Variants in DOCK6 observed in about 807,000 individuals in gnomAD.
DOCK6 encodes the protein dedicator of cytokinesis protein 6.
Under a neutral mutation model 230.3 loss-of-function variants are expected in DOCK6, and 167 were observed. The observed-to-expected ratio is 0.73, with a 90% CI of 0.64 to 0.82. The LOEUF (loss-of-function observed/expected upper bound fraction) is 0.82. DOCK6 is among the 40% of genes least tolerant of loss of function. DOCK6 has a pLI of 0.00. For missense variants in DOCK6, 2,598 were observed against 2,825.8 expected, an observed-to-expected ratio of 0.92 and a Z score of 1.83; for synonymous variants, 1,148 against 1,185.0, an observed-to-expected ratio of 0.97 and a Z score of 0.64.
At chr19:11,204,888 T>A (rs1030751351) in intron 39 of DOCK6, among the ~76,000 whole-genome samples, 2 of 152,200 alleles carry the variant, frequency 1.3e-5, no homozygotes, top group Non-Finnish European at 2.9e-5. Flanking sequence ...AGGTACGATG[T>A]ACATCTGCAC....
At chr19:11,207,414 T>C (rs979163042) in intron 39 of DOCK6, among the ~76,000 whole-genome samples, 1 of 151,320 alleles carries the variant, frequency 6.6e-6, no homozygotes, top group Non-Finnish European at 1.5e-5. Context: ...CAGGCTGGTC[T>C]TGAACTCCTG....
chr19:11,222,676 T>C lies in DOCK6; in HGVS notation c.3240+59A>G, dbSNP rs2079598486. On this transcript the variant is annotated intron_variant, in intron 26 of 47. Coordinates refer to ENST00000294618, the MANE Select transcript of DOCK6 (RefSeq NM_020812.4). This position sits in a 1 kb window ranked among gnomAD's most constrained non-coding sequence, Gnocchi z 4.0. ...ACAGAGATGAGGGAACCATAGGAGATGGACTGAAGGTGAGAGGTTGTAGGT... is the reference window on the plus strand; with the variant it reads ...ACAGAGATGAGGGAACCATAGGAGACGGACTGAAGGTGAGAGGTTGTAGGT... 2 of 1,477,794 alleles carry C rather than the reference T, an allele frequency of 1.4e-6. No individual in the cohort carries two copies. The highest frequency in any genetic ancestry group is 1.8e-6 in the Non-Finnish European group (2 of 1,095,800). The allele number at this position is 1,477,794 out of a possible 1,614,324, so 91.5% of individuals were successfully genotyped here.
chr19:11,209,551 TCCCCTCACCTGTCCAC>T (rs2079327959), intron 37 of DOCK6, among the ~76,000 whole-genome samples: 4 of 138,642 alleles, frequency 2.9e-5, no homozygotes, highest in Admixed American at 2.9e-4. Flanking sequence ...CACCTGTCTA[TCCCCTCACCTGTCCAC>T]CCCCTCACCT....
chr19:11,208,772 C>T lies in DOCK6; in HGVS notation c.5002G>A (p.Asp1668Asn), dbSNP rs76981407. 288 of 1,613,740 alleles carry T rather than the reference C, an allele frequency of 1.8e-4. 3 individuals are homozygous for T. The East Asian group carries it at 6.1e-3, about 34-fold the overall frequency. Residue 1668 changes from aspartate (D) to asparagine (N), a missense_variant, in exon 39 of 48, where the codon GAC (aspartate) becomes AAC (asparagine). Transcript: ENST00000294618. Reference protein sequence around the residue: ...SAISDDILSPDEEGFCSGKHF... With the variant: ...SAISDDILSPNEEGFCSGKHF... ...TTCCCGGAGCAGAAGCCCTCCTCGT[C>T]GGGCGACAGGATGTCGTCGGAGATG...
rs146389180 is a variant in DOCK6, at chr19:11,213,591, A to T, written c.4339-263T>A. Among the ~76,000 whole-genome samples, 119 of 151,726 alleles carry T rather than the reference A, an allele frequency of 7.8e-4. 2 individuals are homozygous for T. The East Asian group carries it at 0.021, about 27-fold the overall frequency. On this transcript the variant is annotated intron_variant, in intron 34 of 47. Coordinates refer to ENST00000294618, the MANE Select transcript of DOCK6 (RefSeq NM_020812.4). ...TCCATGGAGTTGCAGAGCACACAGT[A>T]AGTGCTCAATGAATGAGCTCCTTTT...
chr19:11,253,047 A>T (rs1005278570), intron 2 of DOCK6, 89 bp from the exon 3 acceptor site: 2 of 1,324,430 alleles, frequency 1.5e-6, no homozygotes, highest in Admixed American at 2.3e-5. Flanking sequence ...CTGGCTTCAA[A>T]CTCAAATAGG....
Position 11,262,493 on chromosome 19 carries a change from C to G in DOCK6, c.-53G>C. ...CGGGCCCCGGCCCCGCCGCCGCCGCCGCCTCCCGGTTCTGGGCAGCCGGGG... is the reference window on the plus strand; with the variant it reads ...CGGGCCCCGGCCCCGCCGCCGCCGCGGCCTCCCGGTTCTGGGCAGCCGGGG... On this transcript the variant is annotated 5_prime_UTR_variant, in exon 1 of 48. Coordinates refer to ENST00000294618, the MANE Select transcript of DOCK6 (RefSeq NM_020812.4). The G allele has an allele frequency of 3.8e-6, 4 of 1,053,688 alleles. No homozygotes were observed. The highest frequency in any genetic ancestry group is 4.6e-6 in the Non-Finnish European group (4 of 875,168). The allele number at this position is 1,053,688 out of a possible 1,614,324, so 65.3% of individuals were successfully genotyped here.
intron 39 of DOCK6, 38 bp downstream of exon 39, chr19:11,208,648 C>G (rs201535319): frequency 3.1e-6 from 5 of 1,588,834 alleles, no homozygotes; most frequent in Middle Eastern, 1.7e-4. Context: ...CTCCCTGGCC[C>G]GAGCCCCCTC....
chr19:11,204,058 G>A, intron 41 of DOCK6, 23 bp downstream of exon 41: 2 of 1,548,972 alleles, frequency 1.3e-6, no homozygotes, highest in Non-Finnish European at 1.7e-6. Flanking sequence ...GAGGCAGGTG[G>A]CTGTCCACCA....
chr19:11,203,954 G>T, intron 41 of DOCK6, 127 bp downstream of exon 41: 1 of 1,294,204 alleles, frequency 7.7e-7, no homozygotes, highest in Non-Finnish European at 1.1e-6. Context: ...GTCCCTTGTG[G>T]CCACAGCCCC....
rs199688091 is a variant in DOCK6 at position 11,224,190 on chromosome 19, TTTTC to T, written c.2956-1088_2956-1085del. Among the ~76,000 whole-genome samples the T allele has an allele frequency of 3.7e-3, 537 of 146,400 alleles. 7 individuals are homozygous for T. Among genetic ancestry groups the T allele is most frequent in the East Asian group, 0.018 (87 of 4,902 alleles). On this transcript the variant is annotated intron_variant, in intron 24 of 47. Transcript: ENST00000294618. ...TTTCAATGGCAAAAACTGTAATTACTTTTCTTTCTTTCTTTCTTTCTTTCTTTTT... is the reference window on the plus strand; with the variant it reads ...TTTCAATGGCAAAAACTGTAATTACTTTTCTTTCTTTCTTTCTTTCTTTTT...
At chr19:11,228,168 G>A (rs1313050375) in intron 23 of DOCK6, among the ~76,000 whole-genome samples, 3 of 151,948 alleles carry the variant, frequency 2.0e-5, no homozygotes, top group African/African-American at 7.2e-5. Flanking sequence ...GCACTACTAC[G>A]CCCGGCTAAC....
chr19:11,237,424 G>C, intron 18 of DOCK6, 32 bp downstream of exon 18: 1 of 1,611,802 alleles, frequency 6.2e-7, no homozygotes, highest in Non-Finnish European at 8.5e-7. Context: ...TGGGGACAGT[G>C]CATTGGCAGG....
chr19:11,223,209 GC>G, intron 24 of DOCK6, 103 bp from the exon 25 acceptor site: 1 of 1,022,224 alleles, frequency 9.8e-7, no homozygotes, highest in Non-Finnish European at 1.4e-6. Context: ...CTGTATCACT[GC>G]CCCAAAGCCT....
intron 37 of DOCK6, among the ~76,000 whole-genome samples, chr19:11,211,043 A>C (rs1600862439): frequency 6.8e-6 from 1 of 146,248 alleles, no homozygotes; most frequent in African/African-American, 2.6e-5. Flanking sequence ...CTGTCTCCTC[A>C]CCCATCCATC....
intron 14 of DOCK6, 196 bp from the exon 15 acceptor site, chr19:11,238,500 G>A: frequency 1.7e-6 from 1 of 587,906 alleles, no homozygotes; most frequent in Non-Finnish European, 3.1e-6. Flanking sequence ...AGAGGGTGGG[G>A]GACAAGCGAG....
Position 11,201,924 on chromosome 19 carries a change from T to TG in DOCK6, c.5652dup (p.Ile1885HisfsTer44). On this transcript the variant is annotated frameshift_variant, in exon 44 of 48. Transcript: ENST00000294618. LOFTEE classifies it high-confidence loss of function. This position sits in a 1 kb window ranked among gnomAD's most constrained non-coding sequence, Gnocchi z 4.3. ...TGGCACACACGGATGCGAGTCTTGATGTAGGGGAAGGCGTGGTCGGTGCTG... is the reference window on the plus strand; with the variant it reads ...TGGCACACACGGATGCGAGTCTTGATGGTAGGGGAAGGCGTGGTCGGTGCTG... 1 of 1,596,874 alleles carries TG rather than the reference T, an allele frequency of 6.3e-7. No homozygotes were observed. Among genetic ancestry groups the TG allele is most frequent in the Non-Finnish European group, 8.5e-7 (1 of 1,172,120 alleles).
At chr19:11,228,286 C>A in intron 23 of DOCK6, among the ~76,000 whole-genome samples, 1 of 152,134 alleles carries the variant, frequency 6.6e-6, no homozygotes, top group East Asian at 1.9e-4. Context: ...GCTGGGATTA[C>A]AGGCGTGAGC....
rs1308056052 is a variant in DOCK6, at chr19:11,200,309, T to A, written c.6100A>T (p.Arg2034Trp). ...QLMAPTPPGL[R>W]NSLNRASFRK... is the part of the protein sequence containing the mutation. ...GGATGGGGGCACTAGGTCAGGCACC[T>A]GAGGCCGGGTGGGGTGGGTGCCATC... Residue 2034 changes from arginine (R) to tryptophan (W), a missense_variant and splice_region_variant, in exon 47 of 48, where the codon AGG becomes TGG. Arg to Trp is a moderately radical substitution (Grantham distance 101). Coordinates refer to ENST00000294618, the MANE Select transcript of DOCK6 (RefSeq NM_020812.4). The surrounding 1 kb of genome is among the most constrained non-coding windows in gnomAD (Gnocchi z 4.3). The A allele has an allele frequency of 1.3e-6, 2 of 1,562,158 alleles. No individual in the cohort carries two copies. Among genetic ancestry groups the A allele is most frequent in the African/African-American group, 2.7e-5 (2 of 73,644 alleles).
Sources: allele counts gnomAD v4.1 joint callset (sites outside exome capture counted in the v4.1 genomes callset), GRCh38; gene constraint gnomAD v4.1.1; non-coding constraint Gnocchi (gnomAD v3.1); transcripts MANE v1.5; gene names NCBI Gene and HGNC (gene_info 2026-07-23, HGNC 2026-07-21).